The following GRIP1 variants were observed in gnomAD, a reference collection of about 807,000 sequenced individuals.
GRIP1 encodes glutamate receptor-interacting protein 1.
A neutral mutation model predicts 129.9 loss-of-function variants in GRIP1; 45 were observed. The observed-to-expected ratio is 0.35, with a 90% CI of 0.27 to 0.44. The LOEUF (loss-of-function observed/expected upper bound fraction) is 0.44, where lower values mean the gene tolerates loss of function less well. Among genes scored for constraint, GRIP1 ranks in the 20% least tolerant of loss-of-function variants. GRIP1 has a pLI of 1.00. For synonymous variants in GRIP1, 530 were observed against 520.8 expected, an observed-to-expected ratio of 1.02 and a Z score of -0.24; for missense variants, 1,196 against 1,396.8, an observed-to-expected ratio of 0.86 and a Z score of 2.29.
chr12:67,034,993 G>C (rs947000161), intron 1 of GRIP1, among the ~76,000 whole-genome samples: 1 of 152,186 alleles, frequency 6.6e-6, no homozygotes, highest in African/African-American at 2.4e-5. Context: ...CCAGCAAATA[G>C]AGCTTGCCAT....
chr12:66,739,044 C>T (rs938551886), intron 1 of GRIP1, among the ~76,000 whole-genome samples: 6 of 152,148 alleles, frequency 3.9e-5, no homozygotes, highest in Non-Finnish European at 8.8e-5. Context: ...TAAGTCAGTA[C>T]ATTCTCCAGT....
At chr12:66,661,990 A>G (rs1036029285) in intron 1 of GRIP1, among the ~76,000 whole-genome samples, 2 of 152,192 alleles carry the variant, frequency 1.3e-5, no homozygotes, top group Admixed American at 1.3e-4. Context: ...CACTGTAGCC[A>G]TTCCCACCCT....
At chr12:66,738,312 C>T (rs999982200) in intron 1 of GRIP1, among the ~76,000 whole-genome samples, 10 of 151,708 alleles carry the variant, frequency 6.6e-5, no homozygotes, top group Non-Finnish European at 1.3e-4. Context: ...CTCCGCCTCT[C>T]GGGTTCACAC....
chr12:66,921,920 G>A (rs2041220121), intron 1 of GRIP1, among the ~76,000 whole-genome samples: 1 of 152,070 alleles, frequency 6.6e-6, no homozygotes, highest in African/African-American at 2.4e-5. Context: ...AGCTACAGAG[G>A]CTACTGCTCA....
intron 1 of GRIP1, among the ~76,000 whole-genome samples, chr12:67,054,735 G>C (rs910276164): frequency 1.3e-5 from 2 of 149,278 alleles, no homozygotes; most frequent in Non-Finnish European, 3.0e-5. Flanking sequence ...CTGCACTCCA[G>C]ACTGGGTGAC....
chr12:66,944,792 TTG>T (rs72237553), intron 1 of GRIP1, among the ~76,000 whole-genome samples: 16,609 of 151,968 alleles, frequency 0.11, 1,140 homozygotes, highest in East Asian at 0.22. Context: ...GTTTTGTTGT[TTG>T]TTTTGTTTTG....
rs112676008 is a variant in GRIP1 at position 66,785,238 on chromosome 12, C to T, written c.-420+18815G>A. On this transcript the variant is annotated intron_variant, in intron 1 of 4. Transcript: ENST00000538373. Reference sequence around the variant, plus strand: ...CTTTGGGAGGCTGAGGTGGGCAGATCGCTTGAGCTCAGGAGTTCAAGACCA... The same window carrying T: ...CTTTGGGAGGCTGAGGTGGGCAGATTGCTTGAGCTCAGGAGTTCAAGACCA... Among the ~76,000 whole-genome samples, 824 of 149,588 alleles carry T rather than the reference C, an allele frequency of 5.5e-3. 9 individuals carry two copies. The highest frequency in any genetic ancestry group is 0.02 in the African/African-American group (796 of 40,488).
chr12:66,825,213 G>A (rs1055858199), intron 1 of GRIP1, among the ~76,000 whole-genome samples: 3 of 151,948 alleles, frequency 2.0e-5, no homozygotes, highest in African/African-American at 7.3e-5. Flanking sequence ...CAATTCATAG[G>A]GTCAAATTTT....
chr12:66,637,041 C>T (rs1452211093), intron 1 of GRIP1, among the ~76,000 whole-genome samples: 4 of 152,116 alleles, frequency 2.6e-5, no homozygotes, highest in Non-Finnish European at 4.4e-5. Flanking sequence ...CACAGCTGCA[C>T]TGGTGCAGGC....
chr12:66,858,107 G>A (rs745847922), intron 1 of GRIP1, among the ~76,000 whole-genome samples: 3 of 151,844 alleles, frequency 2.0e-5, no homozygotes, highest in Non-Finnish European at 4.4e-5. Context: ...GGGTGTTAAT[G>A]TATGTCTTCA....
At chr12:67,043,553 A>G (rs2043209766) in intron 1 of GRIP1, among the ~76,000 whole-genome samples, 2 of 152,138 alleles carry the variant, frequency 1.3e-5, no homozygotes, top group African/African-American at 2.4e-5. Context: ...CTTAGCCCAG[A>G]GCAAAAGAGA....
intron 1 of GRIP1, among the ~76,000 whole-genome samples, chr12:66,833,769 A>T (rs1401515075): frequency 6.6e-6 from 1 of 152,240 alleles, no homozygotes; most frequent in Non-Finnish European, 1.5e-5. Flanking sequence ...TATCTCTTAC[A>T]TTAAAAAAGA....
intron 15 of GRIP1, among the ~76,000 whole-genome samples, chr12:66,407,208 A>G (rs2057223386): frequency 6.6e-6 from 1 of 152,012 alleles, no homozygotes; most frequent in Non-Finnish European, 1.5e-5. Flanking sequence ...CTAAAAATGC[A>G]TGCCCCAGAC....
At chr12:66,564,415 T>C (rs929256309) in intron 2 of GRIP1, among the ~76,000 whole-genome samples, 4 of 152,018 alleles carry the variant, frequency 2.6e-5, no homozygotes, top group African/African-American at 9.7e-5. Context: ...CTCAGAATGA[T>C]GGTTTCCAGC....
chr12:66,359,943 A>AG (rs2054668843), intron 23 of GRIP1, among the ~76,000 whole-genome samples: 1 of 152,174 alleles, frequency 6.6e-6, no homozygotes, highest in African/African-American at 2.4e-5. Context: ...CTGAGGTTTA[A>AG]GTTCATACTT....
At chr12:67,059,753 G>A (rs955436634) in intron 1 of GRIP1, among the ~76,000 whole-genome samples, 1 of 152,156 alleles carries the variant, frequency 6.6e-6, no homozygotes, top group African/African-American at 2.4e-5. Context: ...CCATCCTTCT[G>A]AACCATTATC....
chr12:66,538,972 G>GA lies in GRIP1; in HGVS notation c.418+105dup, dbSNP rs1045762497. On this transcript the variant is annotated intron_variant, in intron 4 of 24. Coordinates refer to ENST00000359742, the MANE Select transcript of GRIP1 (RefSeq NM_001366722.1). ...ACTTTATCATAAGTATGTATGTATA[G>GA]AAAAAAACCTGATATATATAGGGTT... is the stretch of plus-strand genomic sequence containing the variant. The GA allele has an allele frequency of 2.5e-5, 23 of 937,294 alleles. No individual in the cohort carries two copies. In the African/African-American group the frequency reaches 3.3e-4, roughly 13 times the overall value. 58.1% of individuals were successfully genotyped at this position (937,294 alleles called of 1,614,324 possible).
rs531488054 is a variant in GRIP1, at chr12:66,384,089, T to C, written c.2465-4653A>G. 2.6e-5 allele frequency among the ~76,000 whole-genome samples: 4 copies of C among 152,308 alleles called. No homozygotes were observed. The East Asian group carries it at 7.7e-4, about 29-fold the overall frequency. On this transcript the variant is annotated intron_variant, in intron 19 of 24. Transcript: ENST00000359742. ...AGTGCCTGTTTCTTTATAATGTAAGTCAATGTATTATTAGAGTTTTCAGTT... is the reference window on the plus strand; with the variant it reads ...AGTGCCTGTTTCTTTATAATGTAAGCCAATGTATTATTAGAGTTTTCAGTT...
chr12:66,836,669 T>C (rs1478977910), intron 1 of GRIP1, among the ~76,000 whole-genome samples: 2 of 152,178 alleles, frequency 1.3e-5, no homozygotes, highest in Non-Finnish European at 2.9e-5. Flanking sequence ...GAAAGACTGG[T>C]ATTGATATAA....
Sources: allele counts gnomAD v4.1 joint callset (sites outside exome capture counted in the v4.1 genomes callset), GRCh38; gene constraint gnomAD v4.1.1; transcripts MANE v1.5; gene names NCBI Gene and HGNC (gene_info 2026-07-23, HGNC 2026-07-21).